The following ITGA9 variants were observed in gnomAD, a reference collection of about 807,000 sequenced individuals.
ITGA9 encodes integrin alpha-9.
Under a neutral mutation model 127.8 loss-of-function variants are expected in ITGA9, and 56 were observed. That is an observed-to-expected ratio of 0.44 (90% confidence interval 0.35 to 0.55). The LOEUF (loss-of-function observed/expected upper bound fraction) is 0.55. Ranked by LOEUF, ITGA9 falls within the 20% of genes least tolerant of loss-of-function variation. The pLI is 0.00. For synonymous variants in ITGA9, 508 were observed against 514.5 expected, an observed-to-expected ratio of 0.99 and a Z score of 0.17; for missense variants, 1,196 against 1,347.1, an observed-to-expected ratio of 0.89 and a Z score of 1.76.
intron 18 of ITGA9, among the ~76,000 whole-genome samples, chr3:37,713,289 A>C (rs550276118): frequency 6.6e-6 from 1 of 152,026 alleles, no homozygotes; most frequent in Admixed American, 6.5e-5. Flanking sequence ...CTTTCCTTTC[A>C]CCTTTTAGTG....
At chr3:37,801,845 ACTGTGGTGGC>A (rs1697238995) in intron 26 of ITGA9, among the ~76,000 whole-genome samples, 1 of 152,116 alleles carries the variant, frequency 6.6e-6, no homozygotes, top group Non-Finnish European at 1.5e-5. Context: ...AGGCTCAGAA[ACTGTGGTGGC>A]CTGTGTGTCC....
intron 26 of ITGA9, among the ~76,000 whole-genome samples, chr3:37,794,274 G>C (rs758093895): frequency 2.6e-5 from 4 of 152,172 alleles, no homozygotes; most frequent in Non-Finnish European, 5.9e-5. Flanking sequence ...GGAATTTCTG[G>C]CCACAGCTCT....
intron 23 of ITGA9, among the ~76,000 whole-genome samples, chr3:37,752,684 GT>G (rs1696602448): frequency 6.6e-6 from 1 of 152,224 alleles, no homozygotes; most frequent in Non-Finnish European, 1.5e-5. Flanking sequence ...GTGTGGCACA[GT>G]TTTCTGACTT....
chr3:37,733,400 A>C (rs1368371111), intron 19 of ITGA9, among the ~76,000 whole-genome samples: 1 of 152,018 alleles, frequency 6.6e-6, no homozygotes, highest in Non-Finnish European at 1.5e-5. Context: ...AGGAGATACA[A>C]ACATAGGTAA....
chr3:37,612,761 G>A (rs532280997), intron 15 of ITGA9, among the ~76,000 whole-genome samples: 1 of 152,288 alleles, frequency 6.6e-6, no homozygotes, highest in African/African-American at 2.4e-5. Flanking sequence ...GAGTTGAGGA[G>A]CTCATTACTA....
chr3:37,679,818 G>C (rs78884447), intron 17 of ITGA9, among the ~76,000 whole-genome samples: 1 of 152,158 alleles, frequency 6.6e-6, no homozygotes, highest in South Asian at 2.1e-4. Flanking sequence ...TCTGTCACTA[G>C]GAGTTCAACG....
chr3:37,630,001 CAAA>C (rs750961536), intron 16 of ITGA9, among the ~76,000 whole-genome samples: 11 of 152,170 alleles, frequency 7.2e-5, no homozygotes, highest in Non-Finnish European at 5.9e-5. Context: ...AAGTCTGTTT[CAAA>C]TCTTTTCTTG....
At chr3:37,714,960 C>G (rs1701119198) in intron 18 of ITGA9, among the ~76,000 whole-genome samples, 1 of 152,176 alleles carries the variant, frequency 6.6e-6, no homozygotes, top group Non-Finnish European at 1.5e-5. Context: ...GGAAAGTTCC[C>G]TCACCCTCTC....
At chr3:37,652,102 A>C (rs1197149857) in intron 16 of ITGA9, among the ~76,000 whole-genome samples, 2 of 151,408 alleles carry the variant, frequency 1.3e-5, no homozygotes. Context: ...TGAGGCTTAT[A>C]TAGTAGAGGG....
intron 15 of ITGA9, among the ~76,000 whole-genome samples, chr3:37,568,508 G>T (rs1003799604): frequency 2.6e-5 from 4 of 152,112 alleles, no homozygotes; most frequent in African/African-American, 9.7e-5. Flanking sequence ...CTTTTCTATC[G>T]CATTGTCAGG....
chr3:37,564,698 A>G (rs894474601), intron 15 of ITGA9, among the ~76,000 whole-genome samples: 2 of 152,170 alleles, frequency 1.3e-5, no homozygotes, highest in African/African-American at 2.4e-5. Context: ...CTTTAATTCA[A>G]CAGGCACCTG....
At chr3:37,791,693 G>C (rs1339931604) in intron 26 of ITGA9, among the ~76,000 whole-genome samples, 1 of 152,226 alleles carries the variant, frequency 6.6e-6, no homozygotes. Context: ...GTGCATAGCT[G>C]CTGCTCAGGG....
At chr3:37,486,549 T>C (rs1698611984) in intron 4 of ITGA9, among the ~76,000 whole-genome samples, 1 of 152,244 alleles carries the variant, frequency 6.6e-6, no homozygotes, top group Non-Finnish European at 1.5e-5. Context: ...TAATTAATTT[T>C]CAAGCAACAT....
At chr3:37,604,845 C>T (rs954988637) in intron 15 of ITGA9, among the ~76,000 whole-genome samples, 1 of 152,084 alleles carries the variant, frequency 6.6e-6, no homozygotes, top group African/African-American at 2.4e-5. Flanking sequence ...CTTCCTCTCC[C>T]CTTCCATGAA....
At chr3:37,727,228 A>G (rs1696222600) in intron 18 of ITGA9, among the ~76,000 whole-genome samples, 1 of 152,214 alleles carries the variant, frequency 6.6e-6, no homozygotes, top group Non-Finnish European at 1.5e-5. Context: ...ACACCATCAG[A>G]AAGTTGAAAA....
intron 16 of ITGA9, among the ~76,000 whole-genome samples, chr3:37,644,303 T>C (rs1452121794): frequency 6.6e-6 from 1 of 152,146 alleles, no homozygotes; most frequent in Admixed American, 6.6e-5. Flanking sequence ...TGGATGGAAC[T>C]GGAGTCCATT....
At chr3:37,609,148 C>T (rs1699995485) in intron 15 of ITGA9, among the ~76,000 whole-genome samples, 1 of 152,122 alleles carries the variant, frequency 6.6e-6, no homozygotes, top group South Asian at 2.1e-4. Context: ...CCCGCCTCTT[C>T]CATCAGGAAC....
intron 1 of ITGA9, among the ~76,000 whole-genome samples, chr3:37,463,912 G>A (rs984323864): frequency 6.6e-6 from 1 of 152,178 alleles, no homozygotes; most frequent in Non-Finnish European, 1.5e-5. Context: ...CAGGAATAGG[G>A]CATTGCAGTG....
intron 3 of ITGA9, among the ~76,000 whole-genome samples, chr3:37,479,302 A>T (rs399703): frequency 1.3e-5 from 2 of 152,028 alleles, no homozygotes; most frequent in Non-Finnish European, 2.9e-5. Context: ...GCACAAAACA[A>T]TATCAAGGAG....
Sources: gnomAD v4.1 joint callset for allele counts (sites outside exome capture counted in the v4.1 genomes callset) on GRCh38, gnomAD v4.1.1 for gene constraint, MANE v1.5 for transcripts, NCBI Gene and HGNC (gene_info 2026-07-23, HGNC 2026-07-21) for gene names.